The following ADGRF5 variants were observed in gnomAD, a reference collection of about 807,000 sequenced individuals.
ADGRF5 encodes G-protein coupled receptor 116.
ADGRF5 carries 75 observed loss-of-function variants against 132.3 expected under a neutral mutation model. The ratio of observed to expected loss-of-function variants is 0.57; its 90% CI spans 0.47 to 0.69. The LOEUF (loss-of-function observed/expected upper bound fraction) is 0.69, where lower values mean the gene tolerates loss of function less well. Ranked by LOEUF, ADGRF5 falls within the 30% of genes least tolerant of loss-of-function variation. The pLI is 0.00. For synonymous variants in ADGRF5, 629 were observed against 597.6 expected (o/e 1.05, Z -0.77); for missense variants, 1,516 against 1,630.6 (o/e 0.93, Z 1.21).
At chr6:46,880,235 A>G (rs889721420) in intron 8 of ADGRF5, among the ~76,000 whole-genome samples, 196 bp from the exon 9 acceptor site, 1 of 152,178 alleles carries the variant, frequency 6.6e-6, no homozygotes, top group Non-Finnish European at 1.5e-5. Context: ...GTCCTGCCAC[A>G]TGCCAGGGAC....
chr6:46,861,749 G>T (rs1769766902), intron 15 of ADGRF5, among the ~76,000 whole-genome samples: 2 of 152,296 alleles, frequency 1.3e-5, no homozygotes, highest in South Asian at 4.1e-4. Flanking sequence ...GTAAGTATAT[G>T]CTGAATGGAT....
chr6:46,920,290 G>A (rs1282093220), intron 1 of ADGRF5, among the ~76,000 whole-genome samples: 1 of 152,056 alleles, frequency 6.6e-6, no homozygotes, highest in African/African-American at 2.4e-5. Context: ...ACACAAAATA[G>A]TAATGGTAAA....
chr6:46,872,544 T>C (rs1333176401), intron 10 of ADGRF5, among the ~76,000 whole-genome samples: 1 of 152,234 alleles, frequency 6.6e-6, no homozygotes, highest in Non-Finnish European at 1.5e-5. Flanking sequence ...TTCATCTTAT[T>C]TGAGCATTTT....
intron 1 of ADGRF5, among the ~76,000 whole-genome samples, chr6:46,937,064 C>CA (rs1777871491): frequency 2.0e-5 from 3 of 152,214 alleles, no homozygotes; most frequent in Admixed American, 2.0e-4. Flanking sequence ...GTTGACTTAA[C>CA]TGTTCTTACC....
chr6:46,879,749 T>C (rs1267186000), intron 9 of ADGRF5, 69 bp downstream of exon 9: 2 of 1,030,300 alleles, frequency 1.9e-6, no homozygotes, highest in African/African-American at 1.6e-5. Flanking sequence ...CGTAAAACAC[T>C]ATTACATATT....
At position 46,946,686 on chromosome 6, in the gene ADGRF5, T is replaced by C. The variant is rs140924273; in HGVS notation, c.-25+8048A>G. Among the ~76,000 whole-genome samples the C allele has an allele frequency of 6.1e-4, 93 of 152,214 alleles. 2 individuals are homozygous for C. The East Asian group carries it at 0.014, about 23-fold the overall frequency. ...GAGGCAGGGAAGGGTCCCTCTTCCCTTGGGACAAAACAGGAGGGCAAAAGA... is the reference window on the plus strand; with the variant it reads ...GAGGCAGGGAAGGGTCCCTCTTCCCCTGGGACAAAACAGGAGGGCAAAAGA... On this transcript the variant is annotated intron_variant, in intron 1 of 20. Transcript: ENST00000265417.
chr6:46,870,588 C>A (rs1770941036), intron 11 of ADGRF5, among the ~76,000 whole-genome samples: 1 of 152,184 alleles, frequency 6.6e-6, no homozygotes, highest in Admixed American at 6.5e-5. Flanking sequence ...CCCTGCATTG[C>A]CCTCCCCATC....
chr6:46,894,199 A>G (rs1165275892), intron 3 of ADGRF5, among the ~76,000 whole-genome samples: 1 of 152,092 alleles, frequency 6.6e-6, no homozygotes, highest in Non-Finnish European at 1.5e-5. Flanking sequence ...GATACCTACC[A>G]TTTGGCTTGT....
At chr6:46,919,989 A>C (rs1053769122) in intron 1 of ADGRF5, among the ~76,000 whole-genome samples, 5 of 152,188 alleles carry the variant, frequency 3.3e-5, no homozygotes, top group African/African-American at 1.2e-4. Context: ...TTTTTACAGA[A>C]GACTAAAAGA....
intron 1 of ADGRF5, among the ~76,000 whole-genome samples, chr6:46,943,875 C>G (rs767771446): frequency 6.6e-5 from 10 of 152,324 alleles, no homozygotes; most frequent in Non-Finnish European, 1.2e-4. Context: ...CTCTTCCAAA[C>G]TGTAGTCCAG....
intron 1 of ADGRF5, among the ~76,000 whole-genome samples, chr6:46,953,617 A>AT (rs1778579712): frequency 1.8e-5 from 1 of 55,370 alleles, no homozygotes; most frequent in Non-Finnish European, 3.6e-5. Context: ...ACACAGTCTC[A>AT]GAAAAAAAAA....
upstream of ADGRF5, among the ~76,000 whole-genome samples, chr6:46,926,765 C>T (rs537948416): frequency 2.4e-4 from 36 of 152,276 alleles, 1 homozygote; most frequent in South Asian, 7.5e-3. Flanking sequence ...CTCCCTCAGT[C>T]CCCTCCAACC....
Position 46,878,184 on chromosome 6 carries a change from C to G in ADGRF5, c.1240+18G>C, listed in dbSNP as rs991115251. The G allele has an allele frequency of 1.9e-6, 3 of 1,558,564 alleles. No individual in the cohort carries two copies. In the African/African-American group the frequency reaches 4.1e-5, roughly 21 times the overall value. ...AGGCAAAAACCTATTTGCAAAAGGG[C>G]TTATCTAACATTCTCACCTGGAATA... On this transcript the variant is annotated intron_variant, in intron 10 of 20. Transcript: ENST00000283296.
chr6:46,947,405 A>G (rs933207196), intron 1 of ADGRF5, among the ~76,000 whole-genome samples: 9 of 152,206 alleles, frequency 5.9e-5, no homozygotes, highest in Admixed American at 5.2e-4. Flanking sequence ...TGCTTTACCT[A>G]TTTCCTCTCC....
At chr6:46,894,311 G>A (rs1159794076) in intron 3 of ADGRF5, among the ~76,000 whole-genome samples, 1 of 152,160 alleles carries the variant, frequency 6.6e-6, no homozygotes, top group Non-Finnish European at 1.5e-5. Flanking sequence ...CTCTCTTCAG[G>A]TTTCAGAAAG....
At chr6:46,944,911 G>A (rs967978244) in intron 1 of ADGRF5, among the ~76,000 whole-genome samples, 1 of 152,084 alleles carries the variant, frequency 6.6e-6, no homozygotes, top group African/African-American at 2.4e-5. Context: ...AATCTGTACT[G>A]GCTCAGTGCT....
At chr6:46,937,453 T>G (rs1302511660) in intron 1 of ADGRF5, among the ~76,000 whole-genome samples, 1 of 152,156 alleles carries the variant, frequency 6.6e-6, no homozygotes, top group Non-Finnish European at 1.5e-5. Flanking sequence ...CCTTAAAATG[T>G]GTACCTCAGT....
chr6:46,880,509 A>G (rs1244126526), intron 8 of ADGRF5, among the ~76,000 whole-genome samples: 1 of 152,364 alleles, frequency 6.6e-6, no homozygotes, highest in East Asian at 1.9e-4. Flanking sequence ...TTAATTAATT[A>G]TAATAAAGTC....
Position 46,884,220 on chromosome 6 carries a change from C to G in ADGRF5, c.380G>C (p.Gly127Ala), listed in dbSNP as rs1438746881. 1.2e-6 allele frequency: 2 copies of G among 1,614,034 alleles called. No homozygotes were observed. Reference sequence around the variant, plus strand: ...GTGAAGACACCTTTCCCGAGGCCACCCATAACCTGTCTCGCAGGAGCACCA... The same window carrying G: ...GTGAAGACACCTTTCCCGAGGCCACGCATAACCTGTCTCGCAGGAGCACCA... ...EIWCSCETGY[G>A]WPRERCLHNL... The change falls in exon 5 of 21, where the codon GGG becomes GCG. Residue 127 changes from glycine to alanine, a missense_variant. Gly to Ala is a moderately conservative substitution (Grantham distance 60). This residue lies in a region of ADGRF5 where 945 missense variants were observed against 929.4 expected (regional missense o/e 1.02). Coordinates refer to ENST00000283296, the MANE Select transcript of ADGRF5 (RefSeq NM_001098518.2).
Sources: gnomAD v4.1 joint callset for allele counts (sites outside exome capture counted in the v4.1 genomes callset) on GRCh38, gnomAD v4.1.1 for gene constraint, gnomAD v4.1.1 regional missense constraint, MANE v1.5 for transcripts, NCBI Gene and HGNC (gene_info 2026-07-23, HGNC 2026-07-21) for gene names.